ASAP1: variants seen among roughly 807,000 people sequenced by gnomAD.
ASAP1 encodes the protein ArfGAP with SH3 domain, ankyrin repeat and PH domain 1.
In ASAP1, 43 loss-of-function variants were observed where a neutral mutation model predicts 145.2. The observed-to-expected ratio is 0.30, with a 90% CI of 0.23 to 0.38. ASAP1 has a LOEUF of 0.38. Ranked by LOEUF, ASAP1 falls within the 10% of genes least tolerant of loss-of-function variation. The pLI is 1.00. For missense variants in ASAP1, 1,018 were observed against 1,355.3 expected, an observed-to-expected ratio of 0.75 and a Z score of 3.91; for synonymous variants, 546 against 515.5, an observed-to-expected ratio of 1.06 and a Z score of -0.80.
intron 27 of ASAP1, among the ~76,000 whole-genome samples, chr8:130,072,175 C>T (rs1197913452): frequency 2.0e-5 from 3 of 152,224 alleles, no homozygotes; most frequent in Admixed American, 6.5e-5. Context: ...CTCTGGAGAG[C>T]TGACCATGTG....
chr8:130,373,206 C>A (rs535697602), intron 2 of ASAP1, among the ~76,000 whole-genome samples: 1 of 151,102 alleles, frequency 6.6e-6, no homozygotes, highest in Non-Finnish European at 1.5e-5. Context: ...CCATGTAAAT[C>A]TCTAGACAGA....
At chr8:130,400,754 G>T (rs1469030522) in intron 2 of ASAP1, among the ~76,000 whole-genome samples, 1 of 149,038 alleles carries the variant, frequency 6.7e-6, no homozygotes, top group East Asian at 2.0e-4. Flanking sequence ...TAGCGCCACT[G>T]CGCTCCAGCC....
intron 2 of ASAP1, among the ~76,000 whole-genome samples, chr8:130,389,529 G>A (rs1209001578): frequency 6.6e-6 from 1 of 152,174 alleles, no homozygotes; most frequent in Non-Finnish European, 1.5e-5. Context: ...TGATGTGGTT[G>A]TGCTAGGTTA....
chr8:130,306,304 A>G (rs931295504), intron 3 of ASAP1, among the ~76,000 whole-genome samples: 2 of 152,162 alleles, frequency 1.3e-5, no homozygotes, highest in Non-Finnish European at 2.9e-5. Flanking sequence ...ACTCACTCAA[A>G]TATTTCCTGA....
chr8:130,250,871 CATTTGTAAAATGGTAA>C (rs1429807344), intron 3 of ASAP1, among the ~76,000 whole-genome samples: 1 of 152,078 alleles, frequency 6.6e-6, no homozygotes, highest in East Asian at 1.9e-4. Flanking sequence ...ATCTGTTTAC[CATTTGTAAAATGGTAA>C]ATTTGGAAAA....
chr8:130,340,062 CAG>C (rs1565223829), intron 3 of ASAP1, among the ~76,000 whole-genome samples: 1 of 152,148 alleles, frequency 6.6e-6, no homozygotes, highest in African/African-American at 2.4e-5. Context: ...TGGAGATAAA[CAG>C]ATGAATAAAT....
intron 13 of ASAP1, among the ~76,000 whole-genome samples, chr8:130,150,607 G>A (rs564456153): frequency 2.0e-5 from 3 of 152,310 alleles, no homozygotes; most frequent in South Asian, 4.1e-4. Flanking sequence ...GGCCAGGTGC[G>A]GTGGCTCATG....
rs370260713 is a variant in ASAP1, at chr8:130,258,599, G to GT, written c.187-21606dup. On this transcript the variant is annotated intron_variant, in intron 3 of 29. Transcript: ENST00000518721. ...ACCTCGGAAGGGCTCTGTGAGTTGG[G>GT]TATGTCTCCTACTCCCTTTGGGATT... 3.5e-3 allele frequency among the ~76,000 whole-genome samples: 536 copies of GT among 152,306 alleles called. 1 individual carries two copies. Among genetic ancestry groups the GT allele is most frequent in the African/African-American group, 0.012 (516 of 41,552 alleles).
chr8:130,185,824 T>C (rs1438138203), intron 7 of ASAP1, among the ~76,000 whole-genome samples: 2 of 151,842 alleles, frequency 1.3e-5, no homozygotes, highest in African/African-American at 4.8e-5. Flanking sequence ...AGAGCACCTG[T>C]ACCATCTTAG....
At chr8:130,218,297 T>TA (rs1368912116) in intron 4 of ASAP1, among the ~76,000 whole-genome samples, 1 of 152,194 alleles carries the variant, frequency 6.6e-6, no homozygotes, top group African/African-American at 2.4e-5. Context: ...ACCTCAGTAG[T>TA]AAAAATAGGT....
chr8:130,260,892 T>A (rs943509751), intron 3 of ASAP1, among the ~76,000 whole-genome samples: 2 of 152,220 alleles, frequency 1.3e-5, no homozygotes, highest in Non-Finnish European at 1.5e-5. Context: ...AACTATATTG[T>A]GGTGCATAAA....
chr8:130,078,587 A>G (rs988707191), intron 26 of ASAP1, among the ~76,000 whole-genome samples: 1 of 152,226 alleles, frequency 6.6e-6, no homozygotes, highest in East Asian at 1.9e-4. Context: ...TCCAGCCTTT[A>G]AAAACCTTTT....
intron 3 of ASAP1, among the ~76,000 whole-genome samples, chr8:130,271,795 T>C (rs957125418): frequency 9.2e-5 from 14 of 152,166 alleles, no homozygotes; most frequent in African/African-American, 3.4e-4. Flanking sequence ...GCTTCAAAAA[T>C]CACTAAATTT....
intron 1 of ASAP1, among the ~76,000 whole-genome samples, chr8:130,426,277 C>A (rs925547519): frequency 6.6e-6 from 1 of 152,140 alleles, no homozygotes; most frequent in African/African-American, 2.4e-5. Flanking sequence ...TTGTAAGTTT[C>A]CTGAGGCCTC....
chr8:130,164,148 G>T (rs887074489), intron 11 of ASAP1, among the ~76,000 whole-genome samples: 1 of 152,184 alleles, frequency 6.6e-6, no homozygotes, highest in Non-Finnish European at 1.5e-5. Flanking sequence ...ACTGTGACAT[G>T]AGTAAAACAG....
intron 18 of ASAP1, among the ~76,000 whole-genome samples, chr8:130,119,702 A>C (rs2097562460): frequency 6.6e-6 from 1 of 152,216 alleles, no homozygotes; most frequent in African/African-American, 2.4e-5. Flanking sequence ...ACATGAGCTA[A>C]TTAATAAAGA....
chr8:130,255,789 T>G (rs1488771960), intron 3 of ASAP1, among the ~76,000 whole-genome samples: 1 of 152,192 alleles, frequency 6.6e-6, no homozygotes, highest in Non-Finnish European at 1.5e-5. Flanking sequence ...AGTTTTTGAC[T>G]TCTAAAAAGA....
At chr8:130,321,368 C>G (rs115854423) in intron 3 of ASAP1, among the ~76,000 whole-genome samples, 1 of 151,910 alleles carries the variant, frequency 6.6e-6, no homozygotes, top group Non-Finnish European at 1.5e-5. Context: ...GGTTCAGCAC[C>G]AAAGATTCCA....
chr8:130,177,950 G>T (rs1234026522), intron 9 of ASAP1, among the ~76,000 whole-genome samples: 1 of 152,182 alleles, frequency 6.6e-6, no homozygotes, highest in Non-Finnish European at 1.5e-5. Flanking sequence ...CTTGACGAGT[G>T]AGTATACTGA....
Sources: allele counts gnomAD v4.1 joint callset (sites outside exome capture counted in the v4.1 genomes callset), GRCh38; gene constraint gnomAD v4.1.1; transcripts MANE v1.5; gene names NCBI Gene and HGNC (gene_info 2026-07-23, HGNC 2026-07-21).